Variants in PPP2R5C observed in about 807,000 individuals in gnomAD.
PPP2R5C encodes serine/threonine-protein phosphatase 2A 56 kDa regulatory subunit gamma isoform.
Under a neutral mutation model 68.9 loss-of-function variants are expected in PPP2R5C, and 7 were observed. That is an observed-to-expected ratio of 0.10 (90% CI 0.06 to 0.19). The LOEUF (loss-of-function observed/expected upper bound fraction) is 0.19. Ranked by LOEUF, PPP2R5C falls within the 10% of genes least tolerant of loss-of-function variation. The pLI is 1.00. For synonymous variants in PPP2R5C, 210 were observed against 222.2 expected (o/e 0.95, Z 0.49); for missense variants, 348 against 641.3 (o/e 0.54, Z 4.94).
intron 1 of PPP2R5C, among the ~76,000 whole-genome samples, chr14:101,852,068 A>G (rs2042188722): frequency 6.6e-6 from 1 of 152,182 alleles, no homozygotes; most frequent in Non-Finnish European, 1.5e-5. Context: ...TCTTCTGTCC[A>G]CGCTTGCCTG....
exon 14 of PPP2R5C, chr14:101,925,702 T>G (rs1272003249): frequency 6.5e-6 from 1 of 154,214 alleles, no homozygotes; most frequent in Non-Finnish European, 1.4e-5. Context: ...TTACAGCCTT[T>G]GAAATGGTTT....
intron 2 of PPP2R5C, among the ~76,000 whole-genome samples, chr14:101,763,643 G>A (rs1314279334): frequency 1.3e-5 from 2 of 152,040 alleles, no homozygotes; most frequent in African/African-American, 4.8e-5. Context: ...GGCCTCCTAA[G>A]GTGCTGGGAT....
At chr14:101,817,034 T>C (rs574752791) in intron 1 of PPP2R5C, among the ~76,000 whole-genome samples, 1 of 150,118 alleles carries the variant, frequency 6.7e-6, no homozygotes, top group East Asian at 1.9e-4. Context: ...CTCAGCTCAC[T>C]GCAGCCTCCG....
intron 1 of PPP2R5C, chr14:101,824,353 T>A: frequency 2.9e-6 from 1 of 345,166 alleles, no homozygotes; most frequent in Non-Finnish European, 5.2e-6. Flanking sequence ...GGGGAAACAG[T>A]AGGAAAGCAT....
chr14:101,818,868 G>C (rs1446123657), intron 1 of PPP2R5C: 1 of 700,762 alleles, frequency 1.4e-6, no homozygotes, highest in Non-Finnish European at 2.4e-6. Flanking sequence ...GTTTGTCATC[G>C]ATGTATGTGA....
chr14:101,799,305 G>A (rs748904534), intron 3 of PPP2R5C, among the ~76,000 whole-genome samples: 18 of 152,174 alleles, frequency 1.2e-4, no homozygotes, highest in Non-Finnish European at 2.1e-4. Flanking sequence ...TTGCTCTGAT[G>A]GCCGGAGCTG....
At chr14:101,760,899 G>A (rs1449560438), upstream of PPP2R5C, among the ~76,000 whole-genome samples, 2 of 98,384 alleles carry the variant, frequency 2.0e-5, no homozygotes, top group Admixed American at 9.1e-5. Flanking sequence ...GGGGTTGGTC[G>A]AGGGGAAGGG....
At chr14:101,886,500 C>T (rs1040555034) in intron 5 of PPP2R5C, among the ~76,000 whole-genome samples, 1 of 151,724 alleles carries the variant, frequency 6.6e-6, no homozygotes, top group Non-Finnish European at 1.5e-5. Flanking sequence ...TAATTGTGTG[C>T]ATGCTTTTGA....
chr14:101,798,996 T>C (rs992272413), intron 3 of PPP2R5C, among the ~76,000 whole-genome samples: 1 of 152,160 alleles, frequency 6.6e-6, no homozygotes, highest in Non-Finnish European at 1.5e-5. Flanking sequence ...GGAAGAGGTG[T>C]AAAGGGTAGC....
chr14:101,815,117 G>A (rs1449109425), intron 1 of PPP2R5C, among the ~76,000 whole-genome samples: 1 of 152,070 alleles, frequency 6.6e-6, no homozygotes, highest in African/African-American at 2.4e-5. Context: ...ACACTGTGAG[G>A]CATTATAACC....
chr14:101,911,640 T>C (rs984370977), intron 11 of PPP2R5C, among the ~76,000 whole-genome samples: 1 of 152,112 alleles, frequency 6.6e-6, no homozygotes, highest in Non-Finnish European at 1.5e-5. Context: ...CCCAGCACTT[T>C]GGGAGGTTAT....
chr14:101,888,766 A>G lies in PPP2R5C; in HGVS notation c.630-1471A>G, dbSNP rs1281831737. 6.6e-6 allele frequency among the ~76,000 whole-genome samples: 1 copy of G among 151,886 alleles called. No individual in the cohort carries two copies. Among genetic ancestry groups the G allele is most frequent in the Non-Finnish European group, 1.5e-5 (1 of 67,970 alleles). On this transcript the variant is annotated intron_variant, in intron 5 of 13. Coordinates refer to ENST00000334743, the Ensembl canonical transcript of PPP2R5C. The surrounding 1 kb of genome is among the most constrained non-coding windows in gnomAD (Gnocchi z 5.6). Reference sequence around the variant, plus strand: ...GCCACCATGCCCGGCTAATTTTTATATATTTAGTAGAGGTGGAGTTTTGCC... The same window carrying G: ...GCCACCATGCCCGGCTAATTTTTATGTATTTAGTAGAGGTGGAGTTTTGCC...
intron 5 of PPP2R5C, among the ~76,000 whole-genome samples, chr14:101,885,591 G>A (rs1414893181): frequency 6.6e-6 from 1 of 152,222 alleles, no homozygotes; most frequent in African/African-American, 2.4e-5. Context: ...ACCTGATAGG[G>A]CATTTCGGCG....
chr14:101,893,964 A>G (rs2281538), intron 7 of PPP2R5C, among the ~76,000 whole-genome samples: 47,997 of 152,128 alleles, frequency 0.32, 10,788 homozygotes, highest in African/African-American at 0.64. Flanking sequence ...CAGCACAGGC[A>G]CAGGGGTGCA....
chr14:101,854,370 T>C (rs1269883973), intron 1 of PPP2R5C, among the ~76,000 whole-genome samples: 1 of 152,186 alleles, frequency 6.6e-6, no homozygotes, highest in East Asian at 1.9e-4. Flanking sequence ...TTTGGGCATA[T>C]AGAGAACTAG....
At chr14:101,922,305 A>G (rs1352772732) in intron 13 of PPP2R5C, 3 of 508,650 alleles carry the variant, frequency 5.9e-6, no homozygotes, top group Non-Finnish European at 7.6e-6. Context: ...CCTGACCAAC[A>G]TGGTGAAACC....
chr14:101,784,150 A>C (rs952713858), intron 2 of PPP2R5C, among the ~76,000 whole-genome samples: 3 of 152,230 alleles, frequency 2.0e-5, no homozygotes, highest in Non-Finnish European at 2.9e-5. Context: ...GCAGTCTGTC[A>C]CATGAGACAG....
At chr14:101,854,654 G>T (rs2042320071) in intron 1 of PPP2R5C, among the ~76,000 whole-genome samples, 1 of 152,104 alleles carries the variant, frequency 6.6e-6, no homozygotes, top group African/African-American at 2.4e-5. Flanking sequence ...CCGCCCCCAG[G>T]ACACTCCCTG....
chr14:101,792,531 T>C (rs1458153074), intron 3 of PPP2R5C, among the ~76,000 whole-genome samples: 1 of 152,238 alleles, frequency 6.6e-6, no homozygotes, highest in African/African-American at 2.4e-5. Flanking sequence ...GAGCTCCTAC[T>C]GAAAAAGAAG....
Sources: allele counts gnomAD v4.1 joint callset (sites outside exome capture counted in the v4.1 genomes callset), GRCh38; gene constraint gnomAD v4.1.1; non-coding constraint Gnocchi (gnomAD v3.1); transcripts MANE v1.5; gene names NCBI Gene and HGNC (gene_info 2026-07-23, HGNC 2026-07-21).